Variants in PRKG1 observed in about 807,000 individuals in gnomAD.
PRKG1 encodes cGMP-dependent protein kinase 1.
A neutral mutation model predicts 88.1 loss-of-function variants in PRKG1; 35 were observed. The observed-to-expected ratio is 0.40, with a 90% confidence interval of 0.30 to 0.53. The LOEUF (loss-of-function observed/expected upper bound fraction) is 0.53. Ranked by LOEUF, PRKG1 falls within the 20% of genes least tolerant of loss-of-function variation. The pLI is 0.59. For synonymous variants in PRKG1, 303 were observed against 292.5 expected, an observed-to-expected ratio of 1.04 and a Z score of -0.37; for missense variants, 540 against 839.8, an observed-to-expected ratio of 0.64 and a Z score of 4.41.
intron 2 of PRKG1, among the ~76,000 whole-genome samples, chr10:51,413,600 C>T (rs2132692686): frequency 6.6e-6 from 1 of 152,216 alleles, no homozygotes; most frequent in East Asian, 1.9e-4. Context: ...ACCTCGTGAT[C>T]AGTCTGCCTC....
intron 2 of PRKG1, among the ~76,000 whole-genome samples, chr10:51,420,848 G>A (rs1838390925): frequency 6.6e-6 from 1 of 152,190 alleles, no homozygotes; most frequent in South Asian, 2.1e-4. Context: ...CATGGTAGAA[G>A]CTGAAGCAGG....
chr10:51,189,158 ACT>A (rs1422226982), intron 2 of PRKG1, among the ~76,000 whole-genome samples: 1 of 151,554 alleles, frequency 6.6e-6, no homozygotes. Context: ...CAGGAAAAAA[ACT>A]CTCTTTAGGA....
At chr10:51,683,617 G>A (rs534990197) in intron 3 of PRKG1, among the ~76,000 whole-genome samples, 3 of 152,292 alleles carry the variant, frequency 2.0e-5, no homozygotes, top group African/African-American at 4.8e-5. Flanking sequence ...ATCTTGCAAT[G>A]AGCTGATGTT....
At chr10:51,921,151 T>G (rs1842454945) in intron 5 of PRKG1, among the ~76,000 whole-genome samples, 1 of 152,110 alleles carries the variant, frequency 6.6e-6, no homozygotes, top group African/African-American at 2.4e-5. Context: ...TCCCCTCTCT[T>G]TTACTGTCTC....
At chr10:51,545,729 A>G (rs1233863196) in intron 3 of PRKG1, among the ~76,000 whole-genome samples, 1 of 152,152 alleles carries the variant, frequency 6.6e-6, no homozygotes, top group South Asian at 2.1e-4. Flanking sequence ...GAGTTTCTTT[A>G]TAGCTAGCTT....
rs575101130 is a variant in PRKG1, at chr10:52,098,396, T to C, written c.936-35444T>C. 7.9e-5 allele frequency among the ~76,000 whole-genome samples: 12 copies of C among 152,310 alleles called. No individual in the cohort carries two copies. In the East Asian group the frequency reaches 2.1e-3, roughly 27 times the overall value. On this transcript the variant is annotated intron_variant, in intron 7 of 17. Coordinates refer to ENST00000373980, the MANE Select transcript of PRKG1 (RefSeq NM_006258.4). Reference sequence around the variant, plus strand: ...CCCTTTTTGAGAGAGTCATGGCTGATTTATAGCAATAACCTGAATAGGGTT... The same window carrying C: ...CCCTTTTTGAGAGAGTCATGGCTGACTTATAGCAATAACCTGAATAGGGTT...
chr10:51,475,701 T>C lies in PRKG1; in HGVS notation c.592+7865T>C, dbSNP rs374706278. On this transcript the variant is annotated intron_variant, in intron 3 of 17. Coordinates refer to ENST00000373980, the MANE Select transcript of PRKG1 (RefSeq NM_006258.4). ...TTCTACATATTATTAATATATTCTT[T>C]TGAAGAATAGTGAGAAGTAAAATTA... Among the ~76,000 whole-genome samples the C allele has an allele frequency of 3.3e-5, 5 of 152,058 alleles. No individual in the cohort carries two copies. In the East Asian group the frequency reaches 7.8e-4, roughly 24 times the overall value.
intron 5 of PRKG1, among the ~76,000 whole-genome samples, chr10:51,940,075 A>C (rs957509076): frequency 6.6e-6 from 1 of 151,942 alleles, no homozygotes; most frequent in Non-Finnish European, 1.5e-5. Flanking sequence ...AAACTTAAAG[A>C]GTCAGGTAAT....
chr10:51,961,415 C>A (rs1016920866), intron 5 of PRKG1, among the ~76,000 whole-genome samples: 1 of 152,090 alleles, frequency 6.6e-6, no homozygotes. Flanking sequence ...TTAAGCAGAC[C>A]TGCACAATTC....
intron 7 of PRKG1, among the ~76,000 whole-genome samples, chr10:52,119,210 G>A (rs779132183): frequency 1.3e-5 from 2 of 152,216 alleles, no homozygotes; most frequent in South Asian, 2.1e-4. Flanking sequence ...CATCTCAAGA[G>A]CATTGAAGAC....
intron 5 of PRKG1, among the ~76,000 whole-genome samples, chr10:51,958,383 TGTTA>T (rs1440708070): frequency 6.6e-6 from 1 of 152,078 alleles, no homozygotes; most frequent in Non-Finnish European, 1.5e-5. Flanking sequence ...GAAGTTGATA[TGTTA>T]GTGTGTGTAG....
chr10:51,332,166 T>C (rs1841758021), intron 2 of PRKG1, among the ~76,000 whole-genome samples: 1 of 152,244 alleles, frequency 6.6e-6, no homozygotes. Flanking sequence ...AAATGATTTT[T>C]CTCTTCCTTA....
chr10:51,040,668 C>T (rs529661570), intron 1 of PRKG1, among the ~76,000 whole-genome samples: 1 of 152,086 alleles, frequency 6.6e-6, no homozygotes, highest in African/African-American at 2.4e-5. Flanking sequence ...AGAGGTCTTT[C>T]ACTTGTTTGG....
chr10:51,927,362 G>A (rs7092565), intron 5 of PRKG1, among the ~76,000 whole-genome samples: 7,072 of 152,154 alleles, frequency 0.046, 556 homozygotes, highest in African/African-American at 0.16. Flanking sequence ...TCATGACTGT[G>A]AGGCCTCTCC....
At chr10:52,068,788 A>T (rs555398677) in intron 7 of PRKG1, among the ~76,000 whole-genome samples, 31 of 152,328 alleles carry the variant, frequency 2.0e-4, no homozygotes, top group African/African-American at 7.5e-4. Flanking sequence ...TCAACCACTC[A>T]TTGATTGACT....
chr10:51,751,302 A>G (rs770589182), intron 3 of PRKG1, among the ~76,000 whole-genome samples: 1 of 152,094 alleles, frequency 6.6e-6, no homozygotes, highest in Non-Finnish European at 1.5e-5. Context: ...CAGTGGTGCG[A>G]TCTCGGCTCA....
rs186597799 is a variant in PRKG1 at position 51,196,839 on chromosome 10, C to T, written c.478+43509C>T. 2.6e-5 allele frequency among the ~76,000 whole-genome samples: 4 copies of T among 152,254 alleles called. No homozygotes were observed. The East Asian group carries it at 7.7e-4, about 29-fold the overall frequency. ...TTCTGCAGATGAAATTGTGCAGAAGCAAATATAAAATTTGTTTTATCCTCA... is the reference window on the plus strand; with the variant it reads ...TTCTGCAGATGAAATTGTGCAGAAGTAAATATAAAATTTGTTTTATCCTCA... On this transcript the variant is annotated intron_variant, in intron 2 of 17. Transcript: ENST00000373980.
At chr10:51,238,913 T>G (rs1034481821) in intron 2 of PRKG1, among the ~76,000 whole-genome samples, 3 of 151,988 alleles carry the variant, frequency 2.0e-5, no homozygotes, top group Admixed American at 6.5e-5. Context: ...TATACAATAA[T>G]TTTTATTTTT....
intron 8 of PRKG1, among the ~76,000 whole-genome samples, chr10:52,142,190 C>T (rs961265785): frequency 6.6e-6 from 1 of 152,024 alleles, no homozygotes; most frequent in Admixed American, 6.6e-5. Context: ...GTGGATTGTC[C>T]AAGCTCTTTA....
Sources: gnomAD v4.1 joint callset for allele counts (sites outside exome capture counted in the v4.1 genomes callset) on GRCh38, gnomAD v4.1.1 for gene constraint, MANE v1.5 for transcripts, NCBI Gene and HGNC (gene_info 2026-07-23, HGNC 2026-07-21) for gene names.